TEAD1: variants seen among roughly 807,000 people sequenced by gnomAD.
TEAD1 encodes the protein TEA domain transcription factor 1.
TEAD1 carries 9 observed loss-of-function variants against 54.9 expected under a neutral mutation model. That is an observed-to-expected ratio of 0.16 (90% confidence interval 0.10 to 0.29). The LOEUF (loss-of-function observed/expected upper bound fraction) is 0.29, where lower values mean the gene tolerates loss of function less well. Among genes scored for constraint, TEAD1 ranks in the 10% least tolerant of loss-of-function variants. The pLI is 1.00. For synonymous variants in TEAD1, 200 were observed against 187.8 expected, an observed-to-expected ratio of 1.07 and a Z score of -0.53; for missense variants, 387 against 535.9, an observed-to-expected ratio of 0.72 and a Z score of 2.74.
At chr11:12,759,900 C>G (rs1237257410) in intron 2 of TEAD1, among the ~76,000 whole-genome samples, 8 of 152,166 alleles carry the variant, frequency 5.3e-5, no homozygotes, top group Admixed American at 5.2e-4. Flanking sequence ...GAAGACTTTT[C>G]TATTCTCTTT....
chr11:12,878,517 A>T (rs1484588450), intron 5 of TEAD1, among the ~76,000 whole-genome samples: 1 of 152,104 alleles, frequency 6.6e-6, no homozygotes, highest in Non-Finnish European at 1.5e-5. Flanking sequence ...TAGCCTTTAT[A>T]TGCCTACGAG....
intron 2 of TEAD1, among the ~76,000 whole-genome samples, chr11:12,747,624 C>T (rs1414037661): frequency 6.6e-6 from 1 of 152,232 alleles, no homozygotes; most frequent in East Asian, 1.9e-4. Context: ...GCGTGAGCCA[C>T]CACGCCTGGC....
intron 4 of TEAD1, chr11:12,864,637 G>GTTTTGTTTTGTTTTT: frequency 1.6e-6 from 2 of 1,273,392 alleles, no homozygotes; most frequent in African/African-American, 1.5e-5. Flanking sequence ...GTTTTGTTTT[G>GTTTTGTTTTGTTTTT]TTTTGTTTTG....
At chr11:12,920,134 T>C (rs536540638) in intron 10 of TEAD1, among the ~76,000 whole-genome samples, 2 of 152,316 alleles carry the variant, frequency 1.3e-5, no homozygotes, top group South Asian at 4.1e-4. Context: ...GTGCTGGTTA[T>C]TGTTGAAAGT....
At position 12,938,404 on chromosome 11, in the gene TEAD1, C is replaced by T. The variant is rs1432067246; in HGVS notation, c.*1182C>T. Reference sequence around the variant, plus strand: ...CAATATGCATATTAACCTGCTATAACTAGGGCTATATGTGTAGGTATGTGT... The same window carrying T: ...CAATATGCATATTAACCTGCTATAATTAGGGCTATATGTGTAGGTATGTGT... On this transcript the variant is annotated 3_prime_UTR_variant, in exon 13 of 13. Coordinates refer to ENST00000527636, the MANE Select transcript of TEAD1 (RefSeq NM_021961.6). The T allele has an allele frequency of 6.6e-6, 1 of 152,532 alleles. No homozygotes were observed. The highest frequency in any genetic ancestry group is 2.4e-5 in the African/African-American group (1 of 41,430). The allele number at this position is 152,532 out of a possible 1,614,324, so 9.4% of individuals were successfully genotyped here.
chr11:12,833,320 A>G (rs1285010402), intron 3 of TEAD1, among the ~76,000 whole-genome samples: 1 of 152,194 alleles, frequency 6.6e-6, no homozygotes, highest in African/African-American at 2.4e-5. Context: ...TTAATTATGA[A>G]CATTGCATTG....
intron 3 of TEAD1, among the ~76,000 whole-genome samples, chr11:12,846,572 A>G (rs1866707): frequency 0.64 from 97,649 of 151,922 alleles, 32,989 homozygotes; most frequent in East Asian, 0.77. Flanking sequence ...TTGACTGTAT[A>G]TATTCCTTCT....
At chr11:12,729,613 A>G (rs889073656) in intron 2 of TEAD1, among the ~76,000 whole-genome samples, 1 of 152,238 alleles carries the variant, frequency 6.6e-6, no homozygotes, top group African/African-American at 2.4e-5. Flanking sequence ...TCCATTCATT[A>G]TATTGTGTGG....
intron 3 of TEAD1, among the ~76,000 whole-genome samples, chr11:12,807,543 G>A (rs1313688731): frequency 6.6e-6 from 1 of 152,168 alleles, no homozygotes; most frequent in Non-Finnish European, 1.5e-5. Context: ...TAGTGCCTTT[G>A]TTAAAAGGTA....
chr11:12,884,686 G>A (rs915349301), intron 9 of TEAD1, among the ~76,000 whole-genome samples: 3 of 152,152 alleles, frequency 2.0e-5, no homozygotes, highest in Admixed American at 6.5e-5. Flanking sequence ...GAAAAATGAG[G>A]GAAGGAATGT....
intron 4 of TEAD1, among the ~76,000 whole-genome samples, chr11:12,864,484 G>T (rs962236831): frequency 5.3e-5 from 8 of 152,142 alleles, no homozygotes; most frequent in Non-Finnish European, 1.2e-4. Context: ...AAAGCTTAGA[G>T]CAGCGCTGGG....
At chr11:12,933,566 C>G (rs900896002) in intron 12 of TEAD1, among the ~76,000 whole-genome samples, 1 of 151,790 alleles carries the variant, frequency 6.6e-6, no homozygotes, top group Non-Finnish European at 1.5e-5. Flanking sequence ...TTTATTATGT[C>G]TTTTTTCGTC....
Position 12,704,290 on chromosome 11 carries a change from G to T in TEAD1, c.-55+28729G>T, listed in dbSNP as rs142218934. ...GGGGCCACTGTTTTCCTTCTGAGAAGTTAGACAGAGTTGAAGTGTCTGAGG... is the reference window on the plus strand; with the variant it reads ...GGGGCCACTGTTTTCCTTCTGAGAATTTAGACAGAGTTGAAGTGTCTGAGG... On this transcript the variant is annotated intron_variant, in intron 2 of 12. Coordinates refer to ENST00000527636, the MANE Select transcript of TEAD1 (RefSeq NM_021961.6). Among the ~76,000 whole-genome samples the T allele has an allele frequency of 1.7e-3, 266 of 152,326 alleles. 2 individuals carry two copies. The highest frequency in any genetic ancestry group is 6.0e-3 in the African/African-American group (250 of 41,562).
chr11:12,776,824 A>G (rs1376766549), intron 3 of TEAD1, among the ~76,000 whole-genome samples: 1 of 140,640 alleles, frequency 7.1e-6, no homozygotes, highest in Non-Finnish European at 1.6e-5. Flanking sequence ...TTTGAGATGG[A>G]GTTTTGCTTT....
chr11:12,941,176 CT>C lies in TEAD1; in HGVS notation c.*3955del, dbSNP rs1195180922. 2.6e-5 allele frequency: 4 copies of C among 152,294 alleles called. No homozygotes were observed. The highest frequency in any genetic ancestry group is 2.6e-4 in the Admixed American group (4 of 15,282). 9.4% of individuals were successfully genotyped at this position (152,294 alleles called of 1,614,324 possible). A position where few individuals can be genotyped will look rare whatever the true frequency, so the allele number is the denominator to read the frequency against. On this transcript the variant is annotated 3_prime_UTR_variant, in exon 13 of 13. Transcript: ENST00000527636. ...AGAGATGGGGAGATTCAGGATCCCC[CT>C]GTGCCAGAGCACAGCCTCACCGGAT...
rs569197406 is a variant in TEAD1 at position 12,852,079 on chromosome 11, G to C, written c.203-10171G>C. Among the ~76,000 whole-genome samples the C allele has an allele frequency of 3.9e-5, 6 of 152,268 alleles. No individual in the cohort carries two copies. The South Asian group carries it at 1.2e-3, about 32-fold the overall frequency. ...ATACAGGAATGAATAGGACTTTGCA[G>C]GTAAAAGAGAAGAGAAAGAACATGT... On this transcript the variant is annotated intron_variant, in intron 3 of 12. Transcript: ENST00000527636.
At chr11:12,677,373 G>T (rs980565597) in intron 2 of TEAD1, among the ~76,000 whole-genome samples, 1 of 152,078 alleles carries the variant, frequency 6.6e-6, no homozygotes, top group Non-Finnish European at 1.5e-5. Context: ...AGGGCAGCCT[G>T]GGGGGAGTCG....
intron 2 of TEAD1, among the ~76,000 whole-genome samples, chr11:12,718,302 G>A (rs1451422855): frequency 6.6e-6 from 1 of 152,114 alleles, no homozygotes; most frequent in Non-Finnish European, 1.5e-5. Context: ...CAGGTCCCTA[G>A]CCTCTCAGAG....
At position 12,943,453 on chromosome 11, in the gene TEAD1, C is replaced by T. The variant is rs1196671309; in HGVS notation, c.*6231C>T. The T allele has an allele frequency of 6.6e-6, 1 of 152,662 alleles. No homozygotes were observed. The highest frequency in any genetic ancestry group is 2.4e-5 in the African/African-American group (1 of 41,458). 9.5% of individuals were successfully genotyped at this position (152,662 alleles called of 1,614,324 possible). On this transcript the variant is annotated 3_prime_UTR_variant, in exon 13 of 13. Transcript: ENST00000527636. ...TTGCAAAGGGTAGTTTCACTGAAGT[C>T]ATGCACCATTAAATAAGATGAAATA...
Sources: gnomAD v4.1 joint callset for allele counts (sites outside exome capture counted in the v4.1 genomes callset) on GRCh38, gnomAD v4.1.1 for gene constraint, MANE v1.5 for transcripts, NCBI Gene and HGNC (gene_info 2026-07-23, HGNC 2026-07-21) for gene names.